Variants in ADGRL1 observed in about 807,000 individuals in gnomAD.
ADGRL1 encodes the protein CIRL-1.
ADGRL1 carries 31 observed loss-of-function variants against 148.9 expected under a neutral mutation model. That is an observed-to-expected ratio of 0.21 (90% CI 0.16 to 0.28). The LOEUF is 0.28. Ranked by LOEUF, ADGRL1 falls within the 10% of genes least tolerant of loss-of-function variation. The pLI is 1.00. For missense variants in ADGRL1, 1,521 were observed against 2,058.8 expected, an observed-to-expected ratio of 0.74 and a Z score of 5.05; for synonymous variants, 937 against 900.3, an observed-to-expected ratio of 1.04 and a Z score of -0.73.
intron 1 of ADGRL1, among the ~76,000 whole-genome samples, chr19:14,184,363 C>CT (rs1257168455): frequency 3.3e-5 from 5 of 151,648 alleles, no homozygotes; most frequent in Non-Finnish European, 7.4e-5. Context: ...GAATTGTGTG[C>CT]TGTCCCCTGC....
rs1188691445 is a variant in ADGRL1, at chr19:14,160,789, G to A, written c.1511-93C>T. 2 of 754,358 alleles carry A rather than the reference G, an allele frequency of 2.7e-6. No individual in the cohort carries two copies. The highest frequency in any genetic ancestry group is 4.8e-6 in the Non-Finnish European group (2 of 420,274). 46.7% of individuals were successfully genotyped at this position (754,358 alleles called of 1,614,324 possible). On this transcript the variant is annotated intron_variant, in intron 6 of 22. Transcript: ENST00000361434. The surrounding 1 kb of genome is among the most constrained non-coding windows in gnomAD (Gnocchi z 5.9). ...GGGGGAAAGGAGATGACAGAGAGTG[G>A]GGGACGAGCGGGCGAAGAGGGAGGT...
chr19:14,202,450 A>T (rs1356421433), intron 1 of ADGRL1, among the ~76,000 whole-genome samples: 1 of 151,474 alleles, frequency 6.6e-6, no homozygotes, highest in Non-Finnish European at 1.5e-5. Context: ...ATGGGGTTTC[A>T]CCATGTTGGC....
chr19:14,186,906 C>T (rs1159797960), intron 1 of ADGRL1, among the ~76,000 whole-genome samples: 1 of 152,262 alleles, frequency 6.6e-6, no homozygotes, highest in Non-Finnish European at 1.5e-5. Context: ...GTGACCTACC[C>T]TGACCCCCTG....
intron 3 of ADGRL1, chr19:14,171,039 GT>G (rs1439943577): frequency 9.0e-6 from 4 of 443,902 alleles, no homozygotes; most frequent in African/African-American, 2.0e-5. Flanking sequence ...CTAATGAATG[GT>G]TTATCACCAT....
At chr19:14,193,271 C>CAAAAAAA (rs34844517) in intron 1 of ADGRL1, among the ~76,000 whole-genome samples, 1 of 48,624 alleles carries the variant, frequency 2.1e-5, no homozygotes, top group Non-Finnish European at 3.6e-5. Context: ...CCCCCACCGC[C>CAAAAAAA]AAAAAAAAAA....
In ADGRL1 at chr19:14,160,514, G is replaced by A. The variant is rs1969246002; in HGVS notation, c.1614+79C>T. On this transcript the variant is annotated intron_variant, in intron 7 of 22. Transcript: ENST00000361434. The surrounding 1 kb of genome is among the most constrained non-coding windows in gnomAD (Gnocchi z 5.9). Reference sequence around the variant, plus strand: ...AGACCTGCCAGCCCATGTCTCCCCAGCTGCTCCACGACCCCCGCTGGGCCC... The same window carrying A: ...AGACCTGCCAGCCCATGTCTCCCCAACTGCTCCACGACCCCCGCTGGGCCC... 1.8e-6 allele frequency: 2 copies of A among 1,118,336 alleles called. No individual in the cohort carries two copies. The highest frequency in any genetic ancestry group is 1.6e-5 in the African/African-American group (1 of 64,022). 69.3% of individuals were successfully genotyped at this position (1,118,336 alleles called of 1,614,324 possible). A position where few individuals can be genotyped will look rare whatever the true frequency, so the allele number is the denominator to read the frequency against.
chr19:14,177,054 CCT>C (rs1970872540), intron 3 of ADGRL1, among the ~76,000 whole-genome samples: 1 of 151,922 alleles, frequency 6.6e-6, no homozygotes. Context: ...ATTACAAAAC[CCT>C]GTCTCTACTA....
At position 14,150,112 on chromosome 19, in the gene ADGRL1, ACTGCCCAAATATGGCCACCCCTGTGGG is replaced by A. The variant is rs1968022750; in HGVS notation, c.*734_*760del. ...GATAGCCGAGCCCACAGGACTGGGAACTGCCCAAATATGGCCACCCCTGTGGGCTGGGGGCCCTGCGGGGAGTTGTGC... is the reference window on the plus strand; with the variant it reads ...GATAGCCGAGCCCACAGGACTGGGAACTGGGGGCCCTGCGGGGAGTTGTGC... On this transcript the variant is annotated 3_prime_UTR_variant, in exon 23 of 23. Coordinates refer to ENST00000361434, the MANE Select transcript of ADGRL1 (RefSeq NM_014921.5). The A allele has an allele frequency of 6.6e-6, 1 of 152,312 alleles. No homozygotes were observed. Among genetic ancestry groups the A allele is most frequent in the Non-Finnish European group, 1.5e-5 (1 of 67,992 alleles). The allele number at this position is 152,312 out of a possible 1,614,324, so 9.4% of individuals were successfully genotyped here. A position where few individuals can be genotyped will look rare whatever the true frequency, so the allele number is the denominator to read the frequency against.
chr19:14,152,177 G>C lies in ADGRL1; in HGVS notation c.3650-27C>G. ...TGCAGGTGGCAGCCAGAAGAGAGAA[G>C]AGAAAAGGCAAGGATGAGCTCGAAA... On this transcript the variant is annotated intron_variant, in intron 21 of 22. Transcript: ENST00000361434. The surrounding 1 kb of genome is among the most constrained non-coding windows in gnomAD (Gnocchi z 6.1). 6.2e-7 allele frequency: 1 copy of C among 1,614,162 alleles called. No homozygotes were observed. The highest frequency in any genetic ancestry group is 8.5e-7 in the Non-Finnish European group (1 of 1,180,006).
rs372700749 is a variant in ADGRL1, at chr19:14,177,567, C to T, written c.248G>A (p.Cys83Tyr). 6.2e-7 allele frequency: 1 copy of T among 1,614,248 alleles called. No homozygotes were observed. Among genetic ancestry groups the T allele is most frequent in the East Asian group, 2.2e-5 (1 of 44,878 alleles). The part of the protein sequence containing the change: ...ADPFQMENVQ[C>Y]YLPDAFKIMS... ...GATCTTGAAGGCGTCCGGCAGGTAGCACTGCACATTCTCCATCTGGAAAGG... is the reference window on the plus strand; with the variant it reads ...GATCTTGAAGGCGTCCGGCAGGTAGTACTGCACATTCTCCATCTGGAAAGG... The change falls in exon 3 of 23, where the codon TGC becomes TAC. Residue 83 changes from cysteine (C) to tyrosine (Y), a missense_variant. Cys to Tyr is a radical substitution (Grantham distance 194). Coordinates refer to ENST00000361434, the MANE Select transcript of ADGRL1 (RefSeq NM_014921.5).
Position 14,158,398 on chromosome 19 carries a change from G to A in ADGRL1, c.2304C>T (p.Asn768=). ...VNSQVIAASI[N]KESSRVFLMD... ...TGAGGAAGACGCGGCTGGACTCCTTGTTGATGGATGCTGCGATGACCTGTG... is the reference window on the plus strand; with the variant it reads ...TGAGGAAGACGCGGCTGGACTCCTTATTGATGGATGCTGCGATGACCTGTG... Residue 768 remains asparagine, a synonymous_variant, in exon 12 of 23, where the codon AAC becomes AAT. Coordinates refer to ENST00000361434, the MANE Select transcript of ADGRL1 (RefSeq NM_014921.5). The A allele has an allele frequency of 6.2e-7, 1 of 1,613,766 alleles. No individual in the cohort carries two copies.
Position 14,160,135 on chromosome 19 carries a change from A to G in ADGRL1, c.1777T>C (p.Ser593Pro). 1 of 1,585,960 alleles carries G rather than the reference A, an allele frequency of 6.3e-7. No homozygotes were observed. Among genetic ancestry groups the G allele is most frequent in the Non-Finnish European group, 8.6e-7 (1 of 1,157,918 alleles). The change falls in exon 8 of 23, where the codon TCA becomes CCA. Residue 593 changes from serine to proline, a missense_variant. Around this residue, in one of 8 missense-constraint regions of ADGRL1, gnomAD observed 265 missense variants for 431.9 expected, o/e 0.61. Transcript: ENST00000361434. The surrounding 1 kb of genome is among the most constrained non-coding windows in gnomAD (Gnocchi z 5.9). ...ACCTTGTTGTAGTTCTTGCCGGCTG[A>G]CTCGCGCTCGATGGGCCGCAGGGCC... ...LQALRPIERESAGKNYNKMHK... is the reference protein window; with the variant it reads ...LQALRPIEREPAGKNYNKMHK...
At position 14,152,449 on chromosome 19, in the gene ADGRL1, A is replaced by G; in HGVS notation, c.3521-12T>C. 2 of 1,606,488 alleles carry G rather than the reference A, an allele frequency of 1.2e-6. No individual in the cohort carries two copies. Among genetic ancestry groups the G allele is most frequent in the Non-Finnish European group, 1.7e-6 (2 of 1,174,408 alleles). ...GTTCCCCATGGTACCTGGCCAAAGG[A>G]TCAGAGGTCACAAGGCAGCCGGGAG... On this transcript the variant is annotated splice_polypyrimidine_tract_variant and intron_variant, in intron 20 of 22. Transcript: ENST00000361434. The surrounding 1 kb of genome is among the most constrained non-coding windows in gnomAD (Gnocchi z 6.1).
intron 1 of ADGRL1, among the ~76,000 whole-genome samples, chr19:14,198,741 G>T (rs891052036): frequency 1.3e-5 from 2 of 152,076 alleles, no homozygotes; most frequent in African/African-American, 4.8e-5. Flanking sequence ...TGACCTCAGG[G>T]CAGCCCCTCT....
At position 14,160,441 on chromosome 19, in the gene ADGRL1, C is replaced by A; in HGVS notation, c.1615-144G>T. The A allele has an allele frequency of 1.1e-6, 1 of 940,506 alleles. No homozygotes were observed. The highest frequency in any genetic ancestry group is 1.6e-6 in the Non-Finnish European group (1 of 637,418). 58.3% of individuals were successfully genotyped at this position (940,506 alleles called of 1,614,324 possible). A position where few individuals can be genotyped will look rare whatever the true frequency, so the allele number is the denominator to read the frequency against. On this transcript the variant is annotated intron_variant, in intron 7 of 22. Transcript: ENST00000361434. This position sits in a 1 kb window ranked among gnomAD's most constrained non-coding sequence, Gnocchi z 5.9. ...TCTGCCCCTTCCCACCCCATCTGTC[C>A]CTGCTCCCTTTGTAGGCCAGGGAGG...
chr19:14,159,860 G>T lies in ADGRL1; in HGVS notation c.1801-87C>A. 8.0e-7 allele frequency: 1 copy of T among 1,248,710 alleles called. No homozygotes were observed. The highest frequency in any genetic ancestry group is 1.2e-6 in the Non-Finnish European group (1 of 850,208). 77.4% of individuals were successfully genotyped at this position (1,248,710 alleles called of 1,614,324 possible). A position where few individuals can be genotyped will look rare whatever the true frequency, so the allele number is the denominator to read the frequency against. ...ACTGTCACATCTGGATAGCTCTCTCGTCTGCGGTTACCACTGACCCAGGGC... is the reference window on the plus strand; with the variant it reads ...ACTGTCACATCTGGATAGCTCTCTCTTCTGCGGTTACCACTGACCCAGGGC... On this transcript the variant is annotated intron_variant, in intron 8 of 22. Transcript: ENST00000361434. This position sits in a 1 kb window ranked among gnomAD's most constrained non-coding sequence, Gnocchi z 6.0.
chr19:14,202,199 C>A (rs1373467633), intron 1 of ADGRL1, among the ~76,000 whole-genome samples: 1 of 152,058 alleles, frequency 6.6e-6, no homozygotes, highest in African/African-American at 2.4e-5. Flanking sequence ...GAAAAGAAGA[C>A]ACACATGCCT....
rs148373309 is a variant in ADGRL1, at chr19:14,185,985, G to A, written c.-95-2288C>T. On this transcript the variant is annotated intron_variant, in intron 1 of 22. Transcript: ENST00000361434. ...GCTCAGATAGAACTATTCACCTGGT[G>A]TATAGAATGTCCTCTTCATGGGGCA... is the stretch of plus-strand genomic sequence containing the variant. Among the ~76,000 whole-genome samples the A allele has an allele frequency of 6.2e-3, 947 of 152,322 alleles. 6 individuals are homozygous for A. The highest frequency in any genetic ancestry group is 0.022 in the African/African-American group (910 of 41,564).
intron 3 of ADGRL1, among the ~76,000 whole-genome samples, chr19:14,175,392 C>T (rs1970751014): frequency 6.6e-6 from 1 of 151,904 alleles, no homozygotes; most frequent in Non-Finnish European, 1.5e-5. Context: ...CACCCACCCC[C>T]ACACACGTGC....
Sources: gnomAD v4.1 joint callset for allele counts (sites outside exome capture counted in the v4.1 genomes callset) on GRCh38, gnomAD v4.1.1 for gene constraint, gnomAD v4.1.1 regional missense constraint, Gnocchi (gnomAD v3.1) non-coding constraint, MANE v1.5 for transcripts, NCBI Gene and HGNC (gene_info 2026-07-23, HGNC 2026-07-21) for gene names.